UGGT1: variants seen among roughly 807,000 people sequenced by gnomAD.
The protein encoded by UGGT1 is UDP-glucose glycoprotein glucosyltransferase 1, also known as UDP-glucose:glycoprotein glucosyltransferase 1.
In UGGT1, 107 loss-of-function variants were observed where a neutral mutation model predicts 203.9. That is an observed-to-expected ratio of 0.52 (90% CI 0.45 to 0.62). The LOEUF (loss-of-function observed/expected upper bound fraction) is 0.62. UGGT1 is among the 20% of genes least tolerant of loss of function. The pLI, the probability that UGGT1 is intolerant of heterozygous loss-of-function variation, is 0.00. For synonymous variants in UGGT1, 628 were observed against 653.5 expected (o/e 0.96, Z 0.59); for missense variants, 1,673 against 1,867.2 (o/e 0.90, Z 1.92).
chr2:128,103,864 C>G, intron 2 of UGGT1, 68 bp from the exon 3 acceptor site: 1 of 1,153,484 alleles, frequency 8.7e-7, no homozygotes, highest in Non-Finnish European at 1.2e-6. Flanking sequence ...TATTTTTACT[C>G]TCTTTAGTAA....
intron 1 of UGGT1, among the ~76,000 whole-genome samples, chr2:128,092,708 G>C (rs1686926764): frequency 6.7e-6 from 1 of 148,992 alleles, no homozygotes; most frequent in Non-Finnish European, 1.5e-5. Flanking sequence ...TTTTTTGTTG[G>C]TGAGGCAGAG....
chr2:128,155,260 A>G (rs1465985022), intron 19 of UGGT1, among the ~76,000 whole-genome samples: 2 of 152,192 alleles, frequency 1.3e-5, no homozygotes, highest in Non-Finnish European at 2.9e-5. Context: ...ACATACTTAT[A>G]TGATAGCTGT....
chr2:128,174,781 T>C lies in UGGT1; in HGVS notation c.3462T>C (p.Phe1154=). ...TTTTCTTCTTGTCCTAGGGCTACTT[T>C]CAGCTGAAAGCCAACCCAGGAGCTT... is the stretch of plus-strand genomic sequence containing the variant. ...DTIVMANLGY[F]QLKANPGAWI... The change falls in exon 31 of 41, where the codon TTT becomes TTC. Residue 1154 remains phenylalanine, a synonymous_variant. Coordinates refer to ENST00000259253, the MANE Select transcript of UGGT1 (RefSeq NM_020120.4). 1 of 1,613,640 alleles carries C rather than the reference T, an allele frequency of 6.2e-7. No individual in the cohort carries two copies. The highest frequency in any genetic ancestry group is 8.5e-7 in the Non-Finnish European group (1 of 1,179,798).
intron 17 of UGGT1, among the ~76,000 whole-genome samples, chr2:128,145,059 C>T (rs997092079): frequency 6.6e-6 from 1 of 152,106 alleles, no homozygotes; most frequent in Non-Finnish European, 1.5e-5. Context: ...CTCTTTTGTC[C>T]TGGAGAAGGG....
At position 128,108,942 on chromosome 2, in the gene UGGT1, C is replaced by T. The variant is rs77276704; in HGVS notation, c.409-692C>T. Among the ~76,000 whole-genome samples, 1,442 of 152,214 alleles carry T rather than the reference C, an allele frequency of 9.5e-3. 22 individuals are homozygous for T. Among genetic ancestry groups the T allele is most frequent in the African/African-American group, 0.032 (1,317 of 41,512 alleles). On this transcript the variant is annotated intron_variant, in intron 4 of 40. Coordinates refer to ENST00000259253, the MANE Select transcript of UGGT1 (RefSeq NM_020120.4). Reference sequence around the variant, plus strand: ...TTCTTTATTTTGTGACACAGTCTCGCCCTGTCACCCAGGCTGGAGTGCAGT... The same window carrying T: ...TTCTTTATTTTGTGACACAGTCTCGTCCTGTCACCCAGGCTGGAGTGCAGT...
intron 1 of UGGT1, among the ~76,000 whole-genome samples, chr2:128,095,777 T>C (rs1219926339): frequency 1.3e-5 from 2 of 152,216 alleles, no homozygotes; most frequent in African/African-American, 2.4e-5. Context: ...TCAGAGATAC[T>C]GTATGTTCTA....
chr2:128,128,955 T>G (rs932011879), intron 12 of UGGT1, 74 bp from the exon 13 acceptor site: 4 of 1,390,870 alleles, frequency 2.9e-6, no homozygotes, highest in Non-Finnish European at 3.8e-6. Context: ...AACTGATACA[T>G]TTTTTTTCAT....
intron 18 of UGGT1, among the ~76,000 whole-genome samples, 160 bp from the exon 19 acceptor site, chr2:128,152,624 C>T (rs949135157): frequency 2.0e-5 from 3 of 152,160 alleles, no homozygotes; most frequent in Non-Finnish European, 2.9e-5. Context: ...CAGGTATACT[C>T]GGCAGTGACA....
chr2:128,151,136 C>T, intron 18 of UGGT1: 1 of 415,818 alleles, frequency 2.4e-6, no homozygotes, highest in African/African-American at 2.1e-5. Flanking sequence ...TAGGCATGAG[C>T]CATTGCACCC....
intron 2 of UGGT1, among the ~76,000 whole-genome samples, chr2:128,102,342 C>G (rs1293333594): frequency 6.6e-6 from 1 of 152,112 alleles, no homozygotes; most frequent in African/African-American, 2.4e-5. Flanking sequence ...TGGGGTTTCA[C>G]CATGTTGGCC....
At chr2:128,115,708 A>G (rs1257199960) in intron 7 of UGGT1, among the ~76,000 whole-genome samples, 9 of 152,128 alleles carry the variant, frequency 5.9e-5, no homozygotes, top group Non-Finnish European at 1.5e-5. Flanking sequence ...TACTGTGGAT[A>G]CTTTCTGTTG....
intron 13 of UGGT1, among the ~76,000 whole-genome samples, chr2:128,130,886 G>A (rs1688845861): frequency 6.6e-6 from 1 of 151,962 alleles, no homozygotes; most frequent in Admixed American, 6.6e-5. Flanking sequence ...TCAGCTTCCT[G>A]AATAGCTGGA....
intron 15 of UGGT1, among the ~76,000 whole-genome samples, chr2:128,136,008 A>G (rs1411403524): frequency 6.6e-6 from 1 of 152,252 alleles, no homozygotes; most frequent in Non-Finnish European, 1.5e-5. Flanking sequence ...GTCGTGGTAC[A>G]CAGTTGGCAC....
chr2:128,150,137 A>G (rs1435596013), intron 18 of UGGT1, among the ~76,000 whole-genome samples: 1 of 152,156 alleles, frequency 6.6e-6, no homozygotes, highest in Non-Finnish European at 1.5e-5. Flanking sequence ...TAAATGCACT[A>G]CAAAAAGATG....
chr2:128,152,027 A>G (rs910815484), intron 18 of UGGT1, among the ~76,000 whole-genome samples: 4 of 152,256 alleles, frequency 2.6e-5, no homozygotes, highest in South Asian at 2.1e-4. Flanking sequence ...GCTGTGCAAA[A>G]GGGAAGAATA....
At position 128,113,563 on chromosome 2, in the gene UGGT1, A is replaced by G. The variant is rs567372802; in HGVS notation, c.696+305A>G. Among the ~76,000 whole-genome samples the G allele has an allele frequency of 8.5e-5, 13 of 152,298 alleles. No homozygotes were observed. In the East Asian group the frequency reaches 2.3e-3, roughly 27 times the overall value. Reference sequence around the variant, plus strand: ...ATCATACTATGGAACTGATTGTTGAATTCAGTTTCCTTTCCAACCTTTTTT... The same window carrying G: ...ATCATACTATGGAACTGATTGTTGAGTTCAGTTTCCTTTCCAACCTTTTTT... On this transcript the variant is annotated intron_variant, in intron 6 of 40. Coordinates refer to ENST00000259253, the MANE Select transcript of UGGT1 (RefSeq NM_020120.4).
Position 128,187,569 on chromosome 2 carries a change from A to G in UGGT1, c.4597A>G (p.Thr1533Ala). 1 of 1,614,090 alleles carries G rather than the reference A, an allele frequency of 6.2e-7. No individual in the cohort carries two copies. The highest frequency in any genetic ancestry group is 8.5e-7 in the Non-Finnish European group (1 of 1,179,988). ...LQIRFQKEKE[T>A]GALYKEKTKE... Reference sequence around the variant, plus strand: ...GATCCGCTTTCAGAAGGAGAAAGAAACGGGAGCACTGTACAAAGAGAAGAC... The same window carrying G: ...GATCCGCTTTCAGAAGGAGAAAGAAGCGGGAGCACTGTACAAAGAGAAGAC... The change falls in exon 40 of 41, where the codon ACG becomes GCG. Residue 1533 changes from threonine to alanine, a missense_variant. Thr to Ala is a moderately conservative substitution (Grantham distance 58). Around this residue, in one of 4 missense-constraint regions of UGGT1, gnomAD observed 513 missense variants for 684.1 expected, o/e 0.75. Transcript: ENST00000259253.
Position 128,152,820 on chromosome 2 carries a change from A to T in UGGT1, c.2053A>T (p.Ile685Phe). The change falls in exon 19 of 41, where the codon ATC (isoleucine) becomes TTC (phenylalanine). Residue 685 changes from isoleucine (I) to phenylalanine (F), a missense_variant. Ile to Phe is a conservative substitution (Grantham distance 21). Transcript: ENST00000259253. ...LPHDQDVVEY[I>F]MNQPNVVPRI... ...CCATGATCAAGATGTGGTAGAGTAT[A>T]TCATGAATCAGCCAAATGTTGTTCC... 3.1e-6 allele frequency: 5 copies of T among 1,613,792 alleles called. No homozygotes were observed. Among genetic ancestry groups the T allele is most frequent in the Non-Finnish European group, 3.4e-6 (4 of 1,179,934 alleles).
chr2:128,131,663 C>T (rs1688884614), intron 13 of UGGT1, among the ~76,000 whole-genome samples: 1 of 152,074 alleles, frequency 6.6e-6, no homozygotes. Context: ...CAGTCTCGCT[C>T]TCTTGCCAGG....
Sources: allele counts gnomAD v4.1 joint callset (sites outside exome capture counted in the v4.1 genomes callset), GRCh38; gene constraint gnomAD v4.1.1; regional missense constraint gnomAD v4.1.1; transcripts MANE v1.5; gene names NCBI Gene and HGNC (gene_info 2026-07-23, HGNC 2026-07-21).